Variants in STXBP5L observed in about 807,000 individuals in gnomAD.
STXBP5L encodes syntaxin-binding protein 5-like.
STXBP5L carries 65 observed loss-of-function variants against 144.5 expected under a neutral mutation model. That is an observed-to-expected ratio of 0.45 (90% CI 0.37 to 0.55). The LOEUF is 0.55. STXBP5L is among the 20% of genes least tolerant of loss of function. The pLI, the probability that STXBP5L is intolerant of heterozygous loss-of-function variation, is 0.00. For missense variants in STXBP5L, 1,298 were observed against 1,405.5 expected (o/e 0.92, Z 1.22); for synonymous variants, 505 against 469.6 (o/e 1.08, Z -0.97).
At position 120,986,506 on chromosome 3, in the gene STXBP5L, A is replaced by G. The variant is rs530208193; in HGVS notation, c.287+31469A>G. Among the ~76,000 whole-genome samples, 9 of 151,970 alleles carry G rather than the reference A, an allele frequency of 5.9e-5. No homozygotes were observed. The South Asian group carries it at 1.0e-3, about 18-fold the overall frequency. ...ATCATAGAACTGTCTACTTCCTTCA[A>G]TTTTGTCAGTTTTTGCTTATATTTT... On this transcript the variant is annotated intron_variant, in intron 3 of 26. Coordinates refer to ENST00000471454, the MANE Select transcript of STXBP5L (RefSeq NM_001308330.2).
At chr3:121,098,543 A>C (rs2043248085) in intron 5 of STXBP5L, among the ~76,000 whole-genome samples, 1 of 152,192 alleles carries the variant, frequency 6.6e-6, no homozygotes, top group Non-Finnish European at 1.5e-5. Context: ...TGACCCAAAC[A>C]CTATACCCAT....
chr3:121,211,268 C>T (rs1266615688), intron 10 of STXBP5L, among the ~76,000 whole-genome samples: 4 of 152,070 alleles, frequency 2.6e-5, no homozygotes, highest in African/African-American at 9.7e-5. Context: ...GATTTTTGAA[C>T]GTTGATTTTT....
intron 23 of STXBP5L, 199 bp downstream of exon 23, chr3:121,407,802 G>A (rs1008137587): frequency 3.0e-6 from 2 of 672,326 alleles, no homozygotes; most frequent in Non-Finnish European, 4.8e-6. Context: ...TTTCTTTTCT[G>A]CTAAAAATGC....
chr3:121,384,810 A>G (rs962906782), intron 22 of STXBP5L, among the ~76,000 whole-genome samples: 4 of 152,080 alleles, frequency 2.6e-5, no homozygotes, highest in African/African-American at 7.2e-5. Context: ...TTCTGCCACT[A>G]GCAAACTTTG....
chr3:121,167,567 T>G (rs1190087381), intron 9 of STXBP5L, among the ~76,000 whole-genome samples: 1 of 151,724 alleles, frequency 6.6e-6, no homozygotes, highest in Non-Finnish European at 1.5e-5. Flanking sequence ...ACCAAGAAGT[T>G]CAAACTGGGT....
chr3:120,976,671 T>G (rs1406565003), intron 3 of STXBP5L, among the ~76,000 whole-genome samples: 4 of 152,350 alleles, frequency 2.6e-5, no homozygotes, highest in Admixed American at 2.6e-4. Flanking sequence ...TGCTTTCTCT[T>G]GTGGGCATTT....
chr3:121,001,171 G>A (rs1305134578), intron 3 of STXBP5L, among the ~76,000 whole-genome samples: 4 of 152,196 alleles, frequency 2.6e-5, no homozygotes, highest in Admixed American at 6.5e-5. Context: ...ATGTGTACTG[G>A]CATAGCCATT....
Position 121,313,740 on chromosome 3 carries a change from C to T in STXBP5L, c.2111-4735C>T, listed in dbSNP as rs1241730570. Reference sequence around the variant, plus strand: ...CGGCTGGCCGGGCGGGGGGCTGACCCCCCCCACCTCCCTCCCGGACGGGGT... The same window carrying T: ...CGGCTGGCCGGGCGGGGGGCTGACCTCCCCCACCTCCCTCCCGGACGGGGT... On this transcript the variant is annotated intron_variant, in intron 19 of 26. Transcript: ENST00000471454. Among the ~76,000 whole-genome samples, 48 of 125,452 alleles carry T rather than the reference C, an allele frequency of 3.8e-4. No individual in the cohort carries two copies. In the East Asian group the frequency reaches 0.012, roughly 30 times the overall value. The allele number at this position is 125,452 out of a possible 152,430, so 82.3% of individuals were successfully genotyped here.
intron 22 of STXBP5L, among the ~76,000 whole-genome samples, chr3:121,388,169 G>A (rs960303820): frequency 2.6e-5 from 4 of 151,410 alleles, no homozygotes; most frequent in African/African-American, 7.3e-5. Flanking sequence ...ATTGTGAATG[G>A]GAGTTCACTC....
At chr3:121,166,419 T>A (rs1423182158) in intron 9 of STXBP5L, among the ~76,000 whole-genome samples, 1 of 152,220 alleles carries the variant, frequency 6.6e-6, no homozygotes, top group Non-Finnish European at 1.5e-5. Context: ...GCTATGTATA[T>A]TCTGCTTTTT....
rs574753855 is a variant in STXBP5L at position 121,278,122 on chromosome 3, A to G, written c.1959-1683A>G. Among the ~76,000 whole-genome samples the G allele has an allele frequency of 3.9e-5, 6 of 151,968 alleles. No homozygotes were observed. The East Asian group carries it at 9.7e-4, about 24-fold the overall frequency. Reference sequence around the variant, plus strand: ...CCTCCTCAACTAAATGAGACCATCAATCTCTCTTTGAGTTCTAGTTTCCTG... The same window carrying G: ...CCTCCTCAACTAAATGAGACCATCAGTCTCTCTTTGAGTTCTAGTTTCCTG... On this transcript the variant is annotated intron_variant, in intron 18 of 26. Transcript: ENST00000471454.
chr3:121,108,863 G>A (rs1362246033), intron 5 of STXBP5L, among the ~76,000 whole-genome samples: 4 of 152,026 alleles, frequency 2.6e-5, no homozygotes, highest in Non-Finnish European at 5.9e-5. Context: ...TTGGTTGGTA[G>A]GCTATTTACT....
chr3:121,305,493 A>G (rs537617252), intron 19 of STXBP5L, among the ~76,000 whole-genome samples: 1 of 152,310 alleles, frequency 6.6e-6, no homozygotes, highest in Admixed American at 6.5e-5. Context: ...CCAGGAATGC[A>G]AGTTTAAAAT....
chr3:121,194,982 C>T (rs1054173610), intron 9 of STXBP5L, among the ~76,000 whole-genome samples: 1 of 124,848 alleles, frequency 8.0e-6, no homozygotes, highest in African/African-American at 3.1e-5. Flanking sequence ...GTGGCGAGAT[C>T]TTGGCTCACT....
At chr3:121,293,325 C>T (rs973443429) in intron 19 of STXBP5L, among the ~76,000 whole-genome samples, 3 of 152,008 alleles carry the variant, frequency 2.0e-5, no homozygotes, top group African/African-American at 7.2e-5. Flanking sequence ...GGAAGGGACA[C>T]ATATGGTGAG....
chr3:121,318,661 T>G (rs997812456), intron 20 of STXBP5L, 121 bp downstream of exon 20: 1 of 616,776 alleles, frequency 1.6e-6, no homozygotes. Flanking sequence ...ATTCCATTCA[T>G]TAAATTTACT....
intron 20 of STXBP5L, among the ~76,000 whole-genome samples, chr3:121,331,552 G>C (rs987901730): frequency 2.6e-5 from 4 of 152,206 alleles, no homozygotes; most frequent in African/African-American, 7.2e-5. Flanking sequence ...TGGGTGAAGA[G>C]TGTGTCTGGG....
intron 2 of STXBP5L, among the ~76,000 whole-genome samples, chr3:120,927,171 A>G (rs996833953): frequency 9.2e-5 from 14 of 152,122 alleles, no homozygotes; most frequent in African/African-American, 3.4e-4. Context: ...TTCTGACCTC[A>G]TGATCCACCC....
chr3:120,986,228 C>T (rs775215233), intron 3 of STXBP5L, among the ~76,000 whole-genome samples: 2 of 151,872 alleles, frequency 1.3e-5, no homozygotes, highest in Non-Finnish European at 2.9e-5. Context: ...TTTCTAACTT[C>T]ATCCCATTGT....
Sources: allele counts gnomAD v4.1 joint callset (sites outside exome capture counted in the v4.1 genomes callset), GRCh38; gene constraint gnomAD v4.1.1; transcripts MANE v1.5; gene names NCBI Gene and HGNC (gene_info 2026-07-23, HGNC 2026-07-21).